Variants in DPF3 observed in about 807,000 individuals in gnomAD.
The protein encoded by DPF3 is zinc finger protein DPF3.
DPF3 carries 18 observed loss-of-function variants against 56.8 expected under a neutral mutation model. The ratio of observed to expected loss-of-function variants is 0.32; its 90% confidence interval spans 0.22 to 0.47. DPF3 has a LOEUF of 0.47. Among genes scored for constraint, DPF3 ranks in the 20% least tolerant of loss-of-function variants. DPF3 has a pLI of 1.00. For synonymous variants in DPF3, 188 were observed against 180.2 expected (o/e 1.04, Z -0.35); for missense variants, 403 against 488.8 (o/e 0.82, Z 1.65).
At chr14:72,892,322 C>CA (rs1371698458) in intron 1 of DPF3, 2 of 1,535,292 alleles carry the variant, frequency 1.3e-6, no homozygotes, top group African/African-American at 2.7e-5. Flanking sequence ...AAGTTACGCC[C>CA]ATTTATTCTG....
At chr14:72,672,060 GACACACACACACAC>G (rs369762823) in intron 8 of DPF3, among the ~76,000 whole-genome samples, 1 of 132,976 alleles carries the variant, frequency 7.5e-6, no homozygotes, top group Non-Finnish European at 1.6e-5. Flanking sequence ...CACACACACA[GACACACACACACAC>G]ACACACACAC....
At chr14:72,886,100 G>A (rs578143534) in intron 1 of DPF3, among the ~76,000 whole-genome samples, 6 of 152,280 alleles carry the variant, frequency 3.9e-5, no homozygotes, top group Middle Eastern at 3.4e-3. Context: ...AGCTGGGCAC[G>A]GTGGCTCATG....
intron 1 of DPF3, among the ~76,000 whole-genome samples, chr14:72,842,333 T>C (rs1325069986): frequency 2.0e-5 from 3 of 152,064 alleles, no homozygotes; most frequent in Non-Finnish European, 4.4e-5. Flanking sequence ...TACCACATGC[T>C]CATCAAAAGT....
chr14:72,806,791 T>C (rs1882803194), intron 1 of DPF3: 1 of 152,136 alleles, frequency 6.6e-6, no homozygotes, highest in African/African-American at 2.4e-5. Flanking sequence ...GCAGAGTTCA[T>C]TTTGTCGGTC....
chr14:72,707,634 G>A (rs1888460393), intron 6 of DPF3, among the ~76,000 whole-genome samples: 2 of 152,200 alleles, frequency 1.3e-5, no homozygotes, highest in Admixed American at 1.3e-4. Context: ...GGGCAGCGGG[G>A]CGTTAAAATG....
rs564714717 is a variant in DPF3, at chr14:72,732,745, G to C, written c.302-811C>G. Among the ~76,000 whole-genome samples the C allele has an allele frequency of 5.3e-5, 8 of 152,262 alleles. No individual in the cohort carries two copies. In the South Asian group the frequency reaches 1.5e-3, roughly 28 times the overall value. Reference sequence around the variant, plus strand: ...TGCCCAGAAGAGACACCAGAGAGAAGCTGAACCCCTTCCTCCAGGTGTCCC... The same window carrying C: ...TGCCCAGAAGAGACACCAGAGAGAACCTGAACCCCTTCCTCCAGGTGTCCC... On this transcript the variant is annotated intron_variant, in intron 3 of 10. Transcript: ENST00000556509.
intron 1 of DPF3, among the ~76,000 whole-genome samples, chr14:72,881,773 A>G (rs1334115787): frequency 6.7e-6 from 1 of 149,210 alleles, no homozygotes; most frequent in Non-Finnish European, 1.5e-5. Flanking sequence ...TGTGGAGGGC[A>G]GGCAAGGGGC....
intron 3 of DPF3, among the ~76,000 whole-genome samples, chr14:72,746,818 C>T (rs1890342474): frequency 6.6e-6 from 1 of 152,230 alleles, no homozygotes; most frequent in African/African-American, 2.4e-5. Context: ...CTCAAATGAT[C>T]ACAGATACAA....
chr14:72,652,917 A>G (rs919114182), intron 8 of DPF3, among the ~76,000 whole-genome samples: 1 of 152,112 alleles, frequency 6.6e-6, no homozygotes, highest in African/African-American at 2.4e-5. Flanking sequence ...GTGGGAAGAG[A>G]GGTCAATGTG....
At chr14:72,688,810 G>A (rs1304497603) in intron 7 of DPF3, among the ~76,000 whole-genome samples, 1 of 152,192 alleles carries the variant, frequency 6.6e-6, no homozygotes, top group Non-Finnish European at 1.5e-5. Context: ...GAGGCACCCA[G>A]CCTCATGCAG....
chr14:72,845,109 A>G (rs1161823703), intron 1 of DPF3, among the ~76,000 whole-genome samples: 1 of 152,198 alleles, frequency 6.6e-6, no homozygotes, highest in Admixed American at 6.5e-5. Context: ...TGTCTCTAAA[A>G]AGAAGCCTCC....
intron 8 of DPF3, among the ~76,000 whole-genome samples, chr14:72,630,408 G>T (rs1262919567): frequency 6.6e-6 from 1 of 152,164 alleles, no homozygotes; most frequent in Non-Finnish European, 1.5e-5. Context: ...AAAAGGACTG[G>T]TTCCCGGTTC....
chr14:72,883,328 C>T (rs367603252), intron 1 of DPF3, among the ~76,000 whole-genome samples: 2 of 151,908 alleles, frequency 1.3e-5, no homozygotes, highest in East Asian at 1.9e-4. Flanking sequence ...TGTGGCAGTA[C>T]GCACCTGTAG....
chr14:72,800,581 G>C (rs576276209), intron 1 of DPF3, among the ~76,000 whole-genome samples: 181 of 152,136 alleles, frequency 1.2e-3, no homozygotes, highest in Middle Eastern at 3.4e-3. Flanking sequence ...TGCATGCATG[G>C]ATGGATGGAT....
chr14:72,794,748 A>G (rs1892569653), intron 1 of DPF3, among the ~76,000 whole-genome samples: 2 of 152,184 alleles, frequency 1.3e-5, no homozygotes. Context: ...TGAAAACACA[A>G]ATGTACGATT....
In DPF3 at chr14:72,776,089, T is replaced by C. The variant is rs372561914; in HGVS notation, c.33-4196A>G. Among the ~76,000 whole-genome samples the C allele has an allele frequency of 1.4e-4, 21 of 151,888 alleles. No homozygotes were observed. The East Asian group carries it at 2.9e-3, about 21-fold the overall frequency. On this transcript the variant is annotated intron_variant, in intron 1 of 10. Coordinates refer to ENST00000556509, the MANE Select transcript of DPF3 (RefSeq NM_001280542.3). ...CAGGGAAAGGCTGGCAGCAAATGAC[T>C]CATCTGTGGAGTGGTGACCAGTGTA...
At chr14:72,710,214 C>G (rs539895745) in intron 6 of DPF3, among the ~76,000 whole-genome samples, 9 of 152,306 alleles carry the variant, frequency 5.9e-5, no homozygotes, top group African/African-American at 2.2e-4. Context: ...AGCCCAAACC[C>G]AAGGATTCCT....
At chr14:72,686,102 C>T (rs1189205904) in intron 7 of DPF3, among the ~76,000 whole-genome samples, 14 of 152,190 alleles carry the variant, frequency 9.2e-5, no homozygotes, top group Admixed American at 8.5e-4. Flanking sequence ...TCATAATGAG[C>T]CTGTTCAGAA....
chr14:72,758,288 G>T (rs1890922423), intron 2 of DPF3, among the ~76,000 whole-genome samples: 1 of 152,188 alleles, frequency 6.6e-6, no homozygotes, highest in Non-Finnish European at 1.5e-5. Context: ...GAAGGACAGT[G>T]ATCCCTGAGA....
Sources: allele counts gnomAD v4.1 joint callset (sites outside exome capture counted in the v4.1 genomes callset), GRCh38; gene constraint gnomAD v4.1.1; transcripts MANE v1.5; gene names NCBI Gene and HGNC (gene_info 2026-07-23, HGNC 2026-07-21).